The following LOC128125818 variants were observed in gnomAD, a reference collection of about 807,000 sequenced individuals.
the LOC128125818 span, among the ~76,000 whole-genome samples, chr4:6,068,827 C>T: frequency 5.3e-5 from 8 of 152,154 alleles, no homozygotes; most frequent in Admixed American, 1.3e-4. Flanking sequence ...ACCTCGACCT[C>T]CCAAAGTGAT....
the LOC128125818 span, among the ~76,000 whole-genome samples, chr4:6,066,642 TC>T: frequency 6.6e-6 from 1 of 151,820 alleles, no homozygotes; most frequent in Admixed American, 6.6e-5. Flanking sequence ...CCAGGAGTCC[TC>T]CCCTGTCTTC....
At chr4:6,065,590 C>A in the LOC128125818 span, among the ~76,000 whole-genome samples, 2 of 152,168 alleles carry the variant, frequency 1.3e-5, no homozygotes, top group African/African-American at 4.8e-5. The surrounding 1 kb of genome is among the most constrained non-coding windows in gnomAD (Gnocchi z 5.1). Flanking sequence ...CCTGGCCAGA[C>A]CCACACTTAG....
the LOC128125818 span, among the ~76,000 whole-genome samples, chr4:6,065,219 C>T: frequency 1.6e-4 from 24 of 152,274 alleles, no homozygotes; most frequent in Middle Eastern, 0.01. This position sits in a 1 kb window ranked among gnomAD's most constrained non-coding sequence, Gnocchi z 5.1. Flanking sequence ...ACAGCCTGAG[C>T]GAGCTAGTCT....
the LOC128125818 span, among the ~76,000 whole-genome samples, chr4:6,065,979 G>T: frequency 3.0e-3 from 458 of 152,242 alleles, 6 homozygotes; most frequent in African/African-American, 0.01. This position sits in a 1 kb window ranked among gnomAD's most constrained non-coding sequence, Gnocchi z 5.1. Context: ...CTTATTTTAG[G>T]AACATAGCTT....
At chr4:6,067,608 AC>A in the LOC128125818 span, among the ~76,000 whole-genome samples, 422 of 146,738 alleles carry the variant, frequency 2.9e-3, 2 homozygotes, top group East Asian at 0.011. This position sits in a 1 kb window ranked among gnomAD's most constrained non-coding sequence, Gnocchi z 4.6. Flanking sequence ...CACACAGGTC[AC>A]CCCCCTGAGC....
chr4:6,068,268 G>C, the LOC128125818 span, among the ~76,000 whole-genome samples: 1 of 152,278 alleles, frequency 6.6e-6, no homozygotes, highest in South Asian at 2.1e-4. Context: ...GTTTAAAGTA[G>C]AGCAACCTTA....
At chr4:6,068,551 T>A in the LOC128125818 span, among the ~76,000 whole-genome samples, 1 of 113,678 alleles carries the variant, frequency 8.8e-6, no homozygotes, top group African/African-American at 3.2e-5. Flanking sequence ...TTTTAAAAAT[T>A]TTTTAACTTT....
At chr4:6,064,996 C>T in the LOC128125818 span, 6 of 1,614,036 alleles carry the variant, frequency 3.7e-6, no homozygotes, top group African/African-American at 8.0e-5. The surrounding 1 kb of genome is among the most constrained non-coding windows in gnomAD (Gnocchi z 4.3). Context: ...AAAAATGTCT[C>T]CACAACATGC....
At chr4:6,069,590 A>C in the LOC128125818 span, among the ~76,000 whole-genome samples, 1 of 152,064 alleles carries the variant, frequency 6.6e-6, no homozygotes, top group Non-Finnish European at 1.5e-5. This position sits in a 1 kb window ranked among gnomAD's most constrained non-coding sequence, Gnocchi z 4.5. Context: ...CTCTACAAAA[A>C]GTTATTTAAA....
At chr4:6,066,391 G>A in the LOC128125818 span, among the ~76,000 whole-genome samples, 5 of 152,124 alleles carry the variant, frequency 3.3e-5, no homozygotes, top group Admixed American at 6.5e-5. Flanking sequence ...CACCCAGAAC[G>A]TTCTTGCATT....
chr4:6,068,907 G>C, the LOC128125818 span, among the ~76,000 whole-genome samples: 1 of 152,058 alleles, frequency 6.6e-6, no homozygotes, highest in Non-Finnish European at 1.5e-5. Context: ...CACTGGGTTA[G>C]TGTTTATAAC....
At chr4:6,068,959 T>G in the LOC128125818 span, among the ~76,000 whole-genome samples, 1 of 152,206 alleles carries the variant, frequency 6.6e-6, no homozygotes, top group African/African-American at 2.4e-5. Context: ...TAGAGAAAAG[T>G]TGTGTTGAGT....
chr4:6,068,660 C>T, the LOC128125818 span, among the ~76,000 whole-genome samples: 28 of 150,056 alleles, frequency 1.9e-4, no homozygotes, highest in Non-Finnish European at 2.8e-4. Context: ...CAAGTTCAAG[C>T]GATTCTTCTG....
At chr4:6,070,008 G>A in the LOC128125818 span, 3 of 398,390 alleles carry the variant, frequency 7.5e-6, no homozygotes, top group Admixed American at 8.8e-5. Context: ...GCCACAGCCA[G>A]GGACCGCCAG....
At chr4:6,067,131 T>A in the LOC128125818 span, among the ~76,000 whole-genome samples, 1 of 152,164 alleles carries the variant, frequency 6.6e-6, no homozygotes, top group Non-Finnish European at 1.5e-5. The surrounding 1 kb of genome is among the most constrained non-coding windows in gnomAD (Gnocchi z 4.6). Flanking sequence ...TGACGTAAGA[T>A]CTGGCAAGCT....
chr4:6,066,351 G>A, the LOC128125818 span, among the ~76,000 whole-genome samples: 1 of 152,144 alleles, frequency 6.6e-6, no homozygotes, highest in Non-Finnish European at 1.5e-5. Flanking sequence ...TTCTGAAGGT[G>A]CTGCAAGGGA....
At chr4:6,066,073 G>A in the LOC128125818 span, among the ~76,000 whole-genome samples, 3 of 151,940 alleles carry the variant, frequency 2.0e-5, no homozygotes, top group African/African-American at 7.3e-5. Context: ...AGACCATGAA[G>A]AATGAATCAA....
At chr4:6,065,996 GT>G in the LOC128125818 span, among the ~76,000 whole-genome samples, 2 of 151,214 alleles carry the variant, frequency 1.3e-5, no homozygotes, top group African/African-American at 4.9e-5. The surrounding 1 kb of genome is among the most constrained non-coding windows in gnomAD (Gnocchi z 5.1). Flanking sequence ...GCTTTTTTGG[GT>G]TTTTTTTTCC....
the LOC128125818 span, among the ~76,000 whole-genome samples, chr4:6,065,896 A>G: frequency 6.6e-6 from 1 of 152,238 alleles, no homozygotes; most frequent in African/African-American, 2.4e-5. The surrounding 1 kb of genome is among the most constrained non-coding windows in gnomAD (Gnocchi z 5.1). Context: ...TAACCAGGCC[A>G]GGTCCCTGCC....
Sources: allele counts gnomAD v4.1 joint callset (sites outside exome capture counted in the v4.1 genomes callset), GRCh38; gene constraint gnomAD v4.1.1; non-coding constraint Gnocchi (gnomAD v3.1); transcripts MANE v1.5.